The following SLC44A5 variants were observed in gnomAD, a reference collection of about 807,000 sequenced individuals.
SLC44A5 encodes the protein solute carrier family 44 member 5.
A neutral mutation model predicts 101.8 loss-of-function variants in SLC44A5; 57 were observed. The ratio of observed to expected loss-of-function variants is 0.56; its 90% CI spans 0.45 to 0.70. SLC44A5 has a LOEUF of 0.70. Among genes scored for constraint, SLC44A5 ranks in the 30% least tolerant of loss-of-function variants. The probability of loss-of-function intolerance (pLI) is 0.00; values close to 1 mark genes in which losing one functional copy is unlikely to be tolerated. For missense variants in SLC44A5, 737 were observed against 853.1 expected, an observed-to-expected ratio of 0.86 and a Z score of 1.70; for synonymous variants, 281 against 290.9, an observed-to-expected ratio of 0.97 and a Z score of 0.35.
rs1472444205 is a variant in SLC44A5 at position 75,380,761 on chromosome 1, T to A, written c.52+15822A>T. ...CATCGGAGATGCAAAGAAAAGGGCC[T>A]CCACGGAGATGGTAACACCAGTCAC... is the stretch of plus-strand genomic sequence containing the variant. On this transcript the variant is annotated intron_variant, in intron 3 of 23. Transcript: ENST00000370859. Among the ~76,000 whole-genome samples the A allele has an allele frequency of 4.8e-5, 4 of 82,576 alleles. 2 individuals carry two copies. The highest frequency in any genetic ancestry group is 3.2e-4 in the African/African-American group (4 of 12,686). 54.2% of individuals were successfully genotyped at this position (82,576 alleles called of 152,430 possible).
intron 6 of SLC44A5, among the ~76,000 whole-genome samples, chr1:75,271,689 A>G (rs1417537993): frequency 6.6e-6 from 1 of 151,994 alleles, no homozygotes; most frequent in Non-Finnish European, 1.5e-5. Context: ...GTGTGTATAT[A>G]CAACATTTTC....
Position 75,310,250 on chromosome 1 carries a change from G to A in SLC44A5, c.102-9565C>T, listed in dbSNP as rs566857802. On this transcript the variant is annotated intron_variant, in intron 4 of 23. Transcript: ENST00000370859. Reference sequence around the variant, plus strand: ...GTGCTGCAGTTGGCAGTCCTGAGCTGGGGTGGTGCATCATCCAGGGATGCC... The same window carrying A: ...GTGCTGCAGTTGGCAGTCCTGAGCTAGGGTGGTGCATCATCCAGGGATGCC... Among the ~76,000 whole-genome samples the A allele has an allele frequency of 4.6e-5, 7 of 152,260 alleles. No homozygotes were observed. The South Asian group carries it at 1.5e-3, about 32-fold the overall frequency.
At chr1:75,415,964 T>C (rs1044359609) in intron 2 of SLC44A5, among the ~76,000 whole-genome samples, 2 of 152,098 alleles carry the variant, frequency 1.3e-5, no homozygotes, top group Non-Finnish European at 2.9e-5. Flanking sequence ...AAGCAGAGCA[T>C]AAAAGTTCAG....
chr1:75,318,752 G>A (rs1655908980), intron 4 of SLC44A5, among the ~76,000 whole-genome samples: 3 of 152,044 alleles, frequency 2.0e-5, no homozygotes, highest in Non-Finnish European at 4.4e-5. Context: ...CTTCATTTTT[G>A]CCAGCACAAC....
chr1:75,604,146 G>A (rs1432040106), intron 1 of SLC44A5, among the ~76,000 whole-genome samples: 5 of 152,088 alleles, frequency 3.3e-5, no homozygotes, highest in African/African-American at 1.2e-4. Context: ...ATAGTTTGAA[G>A]TCTTACATTT....
rs1372178568 is a variant in SLC44A5 at position 75,420,790 on chromosome 1, T to A, written c.14-24169A>T. On this transcript the variant is annotated intron_variant, in intron 2 of 23. Coordinates refer to ENST00000370859, the MANE Select transcript of SLC44A5 (RefSeq NM_001130058.2). ...TGTAGAGACTGGTTTATAAAAAAAA[T>A]TTTCATATCAAAGGCCAAAATTACT... Among the ~76,000 whole-genome samples the A allele has an allele frequency of 6.6e-5, 10 of 152,196 alleles. No homozygotes were observed. In the East Asian group the frequency reaches 1.2e-3, roughly 18 times the overall value.
chr1:75,662,889 A>G, the SLC44A5 span, among the ~76,000 whole-genome samples: 6 of 152,104 alleles, frequency 3.9e-5, no homozygotes, highest in Non-Finnish European at 7.4e-5. Context: ...TGGCCTTTCA[A>G]TGTATTCAAA....
At chr1:75,344,469 A>G (rs1658104974) in intron 3 of SLC44A5, among the ~76,000 whole-genome samples, 1 of 152,212 alleles carries the variant, frequency 6.6e-6, no homozygotes, top group South Asian at 2.1e-4. Flanking sequence ...GCAGATGTGA[A>G]TAAATTAAGG....
chr1:75,290,063 A>G (rs1653407133), intron 5 of SLC44A5, among the ~76,000 whole-genome samples: 1 of 152,216 alleles, frequency 6.6e-6, no homozygotes, highest in Non-Finnish European at 1.5e-5. Context: ...TAACCATGAT[A>G]ACAGGGATGA....
chr1:75,613,375 C>A (rs545264267), upstream of SLC44A5, among the ~76,000 whole-genome samples: 2 of 152,326 alleles, frequency 1.3e-5, no homozygotes, highest in Admixed American at 1.3e-4. Flanking sequence ...AGCAAGCCTG[C>A]AGTCAGATGC....
At chr1:75,665,772 GC>G in the SLC44A5 span, among the ~76,000 whole-genome samples, 2 of 151,934 alleles carry the variant, frequency 1.3e-5, no homozygotes, top group African/African-American at 4.8e-5. Flanking sequence ...AATTCAACAA[GC>G]AAAAATAAAT....
intron 1 of SLC44A5, among the ~76,000 whole-genome samples, chr1:75,607,511 T>C (rs915079657): frequency 6.6e-6 from 1 of 152,044 alleles, no homozygotes; most frequent in Non-Finnish European, 1.5e-5. Flanking sequence ...GTACACGTTG[T>C]ATAATAAATA....
chr1:75,599,438 CG>C (rs1281908138), intron 1 of SLC44A5, among the ~76,000 whole-genome samples: 11 of 152,080 alleles, frequency 7.2e-5, no homozygotes, highest in Admixed American at 5.9e-4. Flanking sequence ...GACTGATTTG[CG>C]GTCAGGTTTT....
chr1:75,573,021 G>A (rs1673158788), intron 1 of SLC44A5, among the ~76,000 whole-genome samples: 1 of 151,150 alleles, frequency 6.6e-6, no homozygotes, highest in Non-Finnish European at 1.5e-5. Context: ...TACTAGGGAG[G>A]CTGAGGCAGG....
At chr1:75,657,771 T>C in the SLC44A5 span, among the ~76,000 whole-genome samples, 1 of 151,918 alleles carries the variant, frequency 6.6e-6, no homozygotes, top group African/African-American at 2.4e-5. Flanking sequence ...CTGAAACAAA[T>C]AAAGTAAACA....
chr1:75,645,044 G>A, the SLC44A5 span, among the ~76,000 whole-genome samples: 4 of 152,160 alleles, frequency 2.6e-5, no homozygotes, highest in South Asian at 8.3e-4. Context: ...CATTTGGGTT[G>A]GTTCCAAGTC....
chr1:75,211,725 G>A (rs1646857302), intron 22 of SLC44A5, among the ~76,000 whole-genome samples, 173 bp from the exon 23 acceptor site: 1 of 152,138 alleles, frequency 6.6e-6, no homozygotes, highest in Non-Finnish European at 1.5e-5. Flanking sequence ...ACTTTGTACT[G>A]AGACTTAAAC....
At chr1:75,491,469 A>G (rs1222157508) in intron 2 of SLC44A5, among the ~76,000 whole-genome samples, 1 of 152,214 alleles carries the variant, frequency 6.6e-6, no homozygotes, top group Non-Finnish European at 1.5e-5. Context: ...TTGGAAGATT[A>G]AAATTAATTG....
At chr1:75,443,902 T>C (rs1665349646) in intron 2 of SLC44A5, among the ~76,000 whole-genome samples, 1 of 152,110 alleles carries the variant, frequency 6.6e-6, no homozygotes, top group South Asian at 2.1e-4. Flanking sequence ...AATTTATAAA[T>C]GTTATTTTCA....
Sources: gnomAD v4.1 joint callset for allele counts (sites outside exome capture counted in the v4.1 genomes callset) on GRCh38, gnomAD v4.1.1 for gene constraint, MANE v1.5 for transcripts, NCBI Gene and HGNC (gene_info 2026-07-23, HGNC 2026-07-21) for gene names.